The following KDM1B variants were observed in gnomAD, a reference collection of about 807,000 sequenced individuals.
KDM1B encodes the protein lysine demethylase 1B, also known as lysine-specific histone demethylase 2.
KDM1B carries 63 observed loss-of-function variants against 107.4 expected under a neutral mutation model. That is an observed-to-expected ratio of 0.59 (90% CI 0.48 to 0.72). The LOEUF (loss-of-function observed/expected upper bound fraction) is 0.72. Among genes scored for constraint, KDM1B ranks in the 30% least tolerant of loss-of-function variants. The probability of loss-of-function intolerance (pLI) is 0.00; values close to 1 mark genes in which losing one functional copy is unlikely to be tolerated. For missense variants in KDM1B, 749 were observed against 1,020.8 expected (o/e 0.73, Z 3.63); for synonymous variants, 363 against 363.9 (o/e 1.00, Z 0.03).
rs1358275349 is a variant in KDM1B, at chr6:18,214,405, C to A, written c.2110-602C>A. On this transcript the variant is annotated intron_variant, in intron 19 of 21. Transcript: ENST00000650836. The surrounding 1 kb of genome is among the most constrained non-coding windows in gnomAD (Gnocchi z 4.4). ...ATTGTTTTATCTGCAGATTTTCCTT[C>A]TCCATCTCTTTCTACTTCTTCCGAA... is the stretch of plus-strand genomic sequence containing the variant. 6.6e-6 allele frequency among the ~76,000 whole-genome samples: 1 copy of A among 152,170 alleles called. No homozygotes were observed. Among genetic ancestry groups the A allele is most frequent in the African/African-American group, 2.4e-5 (1 of 41,440 alleles).
rs1582187758 is a variant in KDM1B at position 18,205,049 on chromosome 6, A to G, written c.1532-488A>G. On this transcript the variant is annotated intron_variant, in intron 14 of 21. Transcript: ENST00000650836. The surrounding 1 kb of genome is among the most constrained non-coding windows in gnomAD (Gnocchi z 5.7). ...ACAAGATACAAGCCCATAATGGAAT[A>G]TTCTTGTTTGGGACAGACTGTAGCC... Among the ~76,000 whole-genome samples, 1 of 152,192 alleles carries G rather than the reference A, an allele frequency of 6.6e-6. No individual in the cohort carries two copies. Among genetic ancestry groups the G allele is most frequent in the African/African-American group, 2.4e-5 (1 of 41,446 alleles).
intron 7 of KDM1B, among the ~76,000 whole-genome samples, chr6:18,174,855 T>TA (rs1231960749): frequency 2.6e-5 from 4 of 152,342 alleles, no homozygotes; most frequent in East Asian, 3.9e-4. Context: ...TATGTACACA[T>TA]ACGCACACAC....
chr6:18,178,548 A>G (rs1786204398), intron 7 of KDM1B, among the ~76,000 whole-genome samples: 1 of 150,154 alleles, frequency 6.7e-6, no homozygotes, highest in African/African-American at 2.5e-5. Flanking sequence ...ACACATCACC[A>G]TGCCTGGCTA....
chr6:18,171,419 G>A lies in KDM1B; in HGVS notation c.474G>A (p.Gln158=). The A allele has an allele frequency of 6.2e-7, 1 of 1,613,730 alleles. No homozygotes were observed. Among genetic ancestry groups the A allele is most frequent in the East Asian group, 2.2e-5 (1 of 44,850 alleles). ...RKWRQLTKEI[Q]LTPQIAKTYR... ...GGAGGCAGCTTACCAAGGAAATCCA[G>A]CTTACTCCACAGATAGCCAAGACTT... Residue 158 remains glutamine, a synonymous_variant, in exon 7 of 22, where the codon CAG becomes CAA. Transcript: ENST00000650836.
intron 14 of KDM1B, among the ~76,000 whole-genome samples, chr6:18,202,869 A>C (rs377746053): frequency 1.3e-5 from 2 of 152,202 alleles, no homozygotes; most frequent in Non-Finnish European, 2.9e-5. Context: ...GATATACTAC[A>C]AGAGAACATT....
In KDM1B at chr6:18,222,150, T is replaced by C. The variant is rs1480655656; in HGVS notation, c.*158T>C. On this transcript the variant is annotated 3_prime_UTR_variant, in exon 22 of 22. Coordinates refer to ENST00000650836, the MANE Select transcript of KDM1B (RefSeq NM_001364614.2). ...ATAATGCAAACCTATTTCATCACTC[T>C]AAAAGCACTGACCTCAAAAAACCTT... The C allele has an allele frequency of 1.3e-6, 1 of 743,988 alleles. No homozygotes were observed. The highest frequency in any genetic ancestry group is 2.0e-5 in the Admixed American group (1 of 50,146). 46.1% of individuals were successfully genotyped at this position (743,988 alleles called of 1,614,324 possible). A position where few individuals can be genotyped will look rare whatever the true frequency, so the allele number is the denominator to read the frequency against.
chr6:18,158,583 T>C (rs1784780111), intron 2 of KDM1B, among the ~76,000 whole-genome samples: 1 of 152,232 alleles, frequency 6.6e-6, no homozygotes, highest in South Asian at 2.1e-4. Context: ...TCAAATTCTT[T>C]ATCCATAGGT....
intron 7 of KDM1B, among the ~76,000 whole-genome samples, chr6:18,179,850 CTTTTT>C (rs67156330): frequency 1.0e-4 from 1 of 9,638 alleles, no homozygotes; most frequent in Non-Finnish European, 2.2e-4. Context: ...GTTTTTTTTC[CTTTTT>C]TTTTTTTTTT....
At chr6:18,167,848 G>A (rs13199975) in intron 6 of KDM1B, among the ~76,000 whole-genome samples, 74,906 of 151,554 alleles carry the variant, frequency 0.49, 18,546 homozygotes, top group Admixed American at 0.52. Context: ...CTGCAGCCTC[G>A]GTCTCCCAGG....
rs1468028006 is a variant in KDM1B, at chr6:18,205,524, A to G, written c.1532-13A>G. ...AAGCTATTTTTTTCTGCTTTGATCC[A>G]TTCCCATTACAGAAAAGATAGAAGA... On this transcript the variant is annotated splice_polypyrimidine_tract_variant and intron_variant, in intron 14 of 21. Coordinates refer to ENST00000650836, the MANE Select transcript of KDM1B (RefSeq NM_001364614.2). The surrounding 1 kb of genome is among the most constrained non-coding windows in gnomAD (Gnocchi z 5.7). 3.9e-6 allele frequency: 6 copies of G among 1,546,918 alleles called. No individual in the cohort carries two copies. Among genetic ancestry groups the G allele is most frequent in the Non-Finnish European group, 5.2e-6 (6 of 1,144,996 alleles).
Position 18,159,808 on chromosome 6 carries a change from G to A in KDM1B, c.-13-75G>A. ...GACATACATTCTTACCTACCAAAGT[G>A]TATAATAACTTGCTCCAGACTGTTA... On this transcript the variant is annotated intron_variant, in intron 2 of 21. Transcript: ENST00000650836. This position sits in a 1 kb window ranked among gnomAD's most constrained non-coding sequence, Gnocchi z 4.5. The A allele has an allele frequency of 4.0e-6, 3 of 744,046 alleles. No individual in the cohort carries two copies. The South Asian group carries it at 4.9e-5, about 12-fold the overall frequency. 46.1% of individuals were successfully genotyped at this position (744,046 alleles called of 1,614,324 possible). A position where few individuals can be genotyped will look rare whatever the true frequency, so the allele number is the denominator to read the frequency against.
rs1355347193 is a variant in KDM1B, at chr6:18,178,387, A to AT, written c.534+6914dup. Reference sequence around the variant, plus strand: ...AGGCATGAGCCACCGCACCCGGCCTATTTTTTATTATTTATTTATTTTTTG... The same window carrying AT: ...AGGCATGAGCCACCGCACCCGGCCTATTTTTTTATTATTTATTTATTTTTTG... On this transcript the variant is annotated intron_variant, in intron 7 of 21. Transcript: ENST00000650836. Among the ~76,000 whole-genome samples the AT allele has an allele frequency of 5.9e-5, 9 of 151,370 alleles. No individual in the cohort carries two copies. The East Asian group carries it at 1.7e-3, about 29-fold the overall frequency.
In KDM1B at chr6:18,191,058, G is replaced by C. The variant is rs1787253777; in HGVS notation, c.785-139G>C. ...ATTTATGTACGTTTTGTCTAACTGG[G>C]TGGAGGAAGCAAAGGTATTTATGTA... On this transcript the variant is annotated intron_variant, in intron 9 of 21. Coordinates refer to ENST00000650836, the MANE Select transcript of KDM1B (RefSeq NM_001364614.2). This position sits in a 1 kb window ranked among gnomAD's most constrained non-coding sequence, Gnocchi z 5.1. The C allele has an allele frequency of 1.7e-6, 1 of 581,870 alleles. No homozygotes were observed. Among genetic ancestry groups the C allele is most frequent in the Non-Finnish European group, 3.0e-6 (1 of 332,150 alleles). 36.0% of individuals were successfully genotyped at this position (581,870 alleles called of 1,614,324 possible).
At position 18,191,232 on chromosome 6, in the gene KDM1B, C is replaced by T; in HGVS notation, c.820C>T (p.Gln274Ter). 1 of 1,550,518 alleles carries T rather than the reference C, an allele frequency of 6.4e-7. No individual in the cohort carries two copies. Among genetic ancestry groups the T allele is most frequent in the Non-Finnish European group, 8.7e-7 (1 of 1,146,992 alleles). ...GAACCGATACTTCCAGCCTTTCTAC[C>T]AGCCCAATGAGTGTGGCAAAGCCCT... The part of the protein sequence containing the change: ...GMNRYFQPFY[Q>*]PNECGKALCV... The change falls in exon 10 of 22, where the codon CAG (glutamine) becomes TAG (stop). Residue 274 changes from glutamine to a stop codon, truncating the protein, a stop_gained. Transcript: ENST00000650836. LOFTEE classifies it high-confidence loss of function. This position sits in a 1 kb window ranked among gnomAD's most constrained non-coding sequence, Gnocchi z 5.1.
rs755554115 is a variant in KDM1B, at chr6:18,213,729, C to T, written c.2057C>T (p.Pro686Leu). ...QGADFFGHVP[P>L]SASKRGLFAV... The stretch of plus-strand genomic sequence containing the variant: ...GCTGACTTTTTTGGTCACGTTCCTC[C>T]CAGTGCCAGCAAGCGAGGGCTTTTT... Residue 686 changes from proline (P) to leucine (L), a missense_variant, in exon 19 of 22, where the codon CCC becomes CTC. Pro to Leu is a moderately conservative substitution (Grantham distance 98, BLOSUM62 -3). Transcript: ENST00000650836. The surrounding 1 kb of genome is among the most constrained non-coding windows in gnomAD (Gnocchi z 5.9). The T allele has an allele frequency of 7.4e-6, 12 of 1,613,968 alleles. No homozygotes were observed. Among genetic ancestry groups the T allele is most frequent in the Non-Finnish European group, 1.0e-5 (12 of 1,179,868 alleles).
chr6:18,217,695 C>G, intron 20 of KDM1B, 38 bp from the exon 21 acceptor site: 1 of 1,594,796 alleles, frequency 6.3e-7, no homozygotes, highest in Non-Finnish European at 8.6e-7. Context: ...TACATCCCTT[C>G]TTGATCCTAC....
intron 7 of KDM1B, among the ~76,000 whole-genome samples, chr6:18,178,381 C>A (rs1786185054): frequency 6.6e-6 from 1 of 151,478 alleles, no homozygotes; most frequent in Non-Finnish European, 1.5e-5. Flanking sequence ...CCACCGCACC[C>A]GGCCTATTTT....
chr6:18,193,420 T>C (rs6911271), intron 10 of KDM1B, among the ~76,000 whole-genome samples: 5,714 of 147,618 alleles, frequency 0.039, 120 homozygotes, highest in Middle Eastern at 0.074. Flanking sequence ...GATTCTCCCA[T>C]CTTAGTCTTC....
At chr6:18,174,575 A>C (rs1785868006) in intron 7 of KDM1B, among the ~76,000 whole-genome samples, 1 of 152,122 alleles carries the variant, frequency 6.6e-6, no homozygotes, top group Admixed American at 6.6e-5. Flanking sequence ...AGCAGTATAC[A>C]CTGCACCCTG....
Sources: allele counts gnomAD v4.1 joint callset (sites outside exome capture counted in the v4.1 genomes callset), GRCh38; gene constraint gnomAD v4.1.1; non-coding constraint Gnocchi (gnomAD v3.1); transcripts MANE v1.5; gene names NCBI Gene and HGNC (gene_info 2026-07-23, HGNC 2026-07-21).